RABGAP1L: variants seen among roughly 807,000 people sequenced by gnomAD.
The protein encoded by RABGAP1L is rab GTPase-activating protein 1-like.
A neutral mutation model predicts 137.7 loss-of-function variants in RABGAP1L; 63 were observed. The ratio of observed to expected loss-of-function variants is 0.46; its 90% CI spans 0.37 to 0.56. The LOEUF (loss-of-function observed/expected upper bound fraction) is 0.56. Ranked by LOEUF, RABGAP1L falls within the 20% of genes least tolerant of loss-of-function variation. RABGAP1L has a pLI of 0.00. For missense variants in RABGAP1L, 1,095 were observed against 1,244.0 expected, an observed-to-expected ratio of 0.88 and a Z score of 1.80; for synonymous variants, 431 against 433.7, an observed-to-expected ratio of 0.99 and a Z score of 0.08.
intron 24 of RABGAP1L, among the ~76,000 whole-genome samples, chr1:174,985,714 A>G (rs1357049312): frequency 2.0e-5 from 3 of 152,242 alleles, no homozygotes; most frequent in Non-Finnish European, 4.4e-5. Flanking sequence ...ATATTTGACT[A>G]TCACTCTGTG....
chr1:174,193,926 T>C (rs774890174), intron 1 of RABGAP1L, among the ~76,000 whole-genome samples: 18 of 152,346 alleles, frequency 1.2e-4, no homozygotes, highest in Non-Finnish European at 2.4e-4. Flanking sequence ...TAAGCACTTA[T>C]GGTAACTCAT....
intron 11 of RABGAP1L, among the ~76,000 whole-genome samples, chr1:174,322,217 A>G (rs182730184): frequency 1.3e-5 from 2 of 152,084 alleles, no homozygotes; most frequent in Non-Finnish European, 2.9e-5. Flanking sequence ...TAGATTTTAC[A>G]TATAGGTCTG....
chr1:174,171,932 C>T (rs558543927), intron 1 of RABGAP1L, among the ~76,000 whole-genome samples: 4 of 152,084 alleles, frequency 2.6e-5, no homozygotes, highest in South Asian at 2.1e-4. Flanking sequence ...ACCCGGGAGG[C>T]GGAGGTTGCA....
intron 13 of RABGAP1L, 96 bp from the exon 14 acceptor site, chr1:174,637,279 C>G: frequency 1.2e-6 from 1 of 809,334 alleles, no homozygotes; most frequent in Non-Finnish European, 2.0e-6. Flanking sequence ...CTGTTGTTTA[C>G]TTTTCTTGCT....
At chr1:174,321,109 T>C (rs1296555192) in intron 11 of RABGAP1L, among the ~76,000 whole-genome samples, 1 of 152,140 alleles carries the variant, frequency 6.6e-6, no homozygotes, top group Non-Finnish European at 1.5e-5. Context: ...TGGTTGTTGA[T>C]AAGGGATAAA....
chr1:174,698,917 C>T (rs1411676287), intron 15 of RABGAP1L, among the ~76,000 whole-genome samples: 1 of 151,548 alleles, frequency 6.6e-6, no homozygotes, highest in Non-Finnish European at 1.5e-5. Flanking sequence ...GTGTAGGTAC[C>T]GGGGATTAGT....
intron 13 of RABGAP1L, among the ~76,000 whole-genome samples, chr1:174,493,110 C>T (rs770700647): frequency 2.0e-5 from 3 of 149,958 alleles, no homozygotes; most frequent in Middle Eastern, 3.4e-3. Context: ...CCTGTAATCT[C>T]GCACTTTGGA....
At chr1:174,403,913 T>G (rs1648947660) in intron 13 of RABGAP1L, among the ~76,000 whole-genome samples, 1 of 152,092 alleles carries the variant, frequency 6.6e-6, no homozygotes, top group Non-Finnish European at 1.5e-5. Context: ...AACTATATAG[T>G]AAAGTCAAAT....
At chr1:174,223,264 TAAAAAAAAAAAAAA>T (rs550034492) in intron 3 of RABGAP1L, among the ~76,000 whole-genome samples, 2 of 39,850 alleles carry the variant, frequency 5.0e-5, no homozygotes, top group African/African-American at 1.2e-4. Context: ...AGACTCTGTC[TAAAAAAAAAAAAAA>T]AAAAAAAAAA....
intron 13 of RABGAP1L, among the ~76,000 whole-genome samples, chr1:174,551,007 T>TAC (rs1365091825): frequency 4.8e-5 from 6 of 124,358 alleles, no homozygotes; most frequent in African/African-American, 1.8e-4. Context: ...CACATATATA[T>TAC]ATATATATAT....
chr1:174,492,605 C>T (rs961726999), intron 13 of RABGAP1L, among the ~76,000 whole-genome samples: 2 of 152,122 alleles, frequency 1.3e-5, no homozygotes, highest in Non-Finnish European at 2.9e-5. Context: ...CTGCCTCAGC[C>T]TCCCAAAGTG....
At chr1:174,899,701 T>C (rs1657829154) in intron 19 of RABGAP1L, among the ~76,000 whole-genome samples, 2 of 152,220 alleles carry the variant, frequency 1.3e-5, no homozygotes. Flanking sequence ...TTTTAGTCAG[T>C]ATTTTGGAGA....
At chr1:174,216,309 T>A (rs1265393692) in intron 1 of RABGAP1L, among the ~76,000 whole-genome samples, 1 of 152,168 alleles carries the variant, frequency 6.6e-6, no homozygotes, top group Non-Finnish European at 1.5e-5. Context: ...ATTGAATTGC[T>A]TCTAACACAA....
At chr1:174,426,804 A>G (rs1189430032) in intron 13 of RABGAP1L, among the ~76,000 whole-genome samples, 2 of 152,130 alleles carry the variant, frequency 1.3e-5, no homozygotes, top group African/African-American at 4.8e-5. Context: ...AAAAAATTAT[A>G]TTTATTCTAA....
chr1:174,646,483 C>T (rs538961140), intron 14 of RABGAP1L, among the ~76,000 whole-genome samples: 1 of 152,244 alleles, frequency 6.6e-6, no homozygotes, highest in Admixed American at 6.5e-5. Flanking sequence ...TTCCCCATTG[C>T]TAGTTTTTGT....
In RABGAP1L at chr1:174,547,405, C is replaced by G. The variant is rs186042434; in HGVS notation, c.1711-89970C>G. Among the ~76,000 whole-genome samples, 41 of 152,176 alleles carry G rather than the reference C, an allele frequency of 2.7e-4. No homozygotes were observed. The East Asian group carries it at 7.9e-3, about 29-fold the overall frequency. On this transcript the variant is annotated intron_variant, in intron 13 of 25. Transcript: ENST00000681986. ...GCCGAGGCAGGAGGATCACTTGAGC[C>G]TACGAGTTTGAGACCAGCCTAGGCA...
chr1:174,958,206 A>G (rs1668781478), intron 20 of RABGAP1L: 2 of 1,341,826 alleles, frequency 1.5e-6, no homozygotes, highest in Non-Finnish European at 2.0e-6. Context: ...GTTTGTTGCA[A>G]CATTTATTTC....
At chr1:174,500,499 G>T (rs1317182363) in intron 13 of RABGAP1L, among the ~76,000 whole-genome samples, 1 of 152,112 alleles carries the variant, frequency 6.6e-6, no homozygotes, top group Non-Finnish European at 1.5e-5. Flanking sequence ...ACCCTGTTAT[G>T]CACTGGGTAC....
At chr1:174,915,657 A>G (rs1217300159) in intron 19 of RABGAP1L, among the ~76,000 whole-genome samples, 1 of 152,172 alleles carries the variant, frequency 6.6e-6, no homozygotes, top group East Asian at 1.9e-4. Context: ...GGGTTTCACC[A>G]TGTTGGCCAG....
Sources: gnomAD v4.1 joint callset for allele counts (sites outside exome capture counted in the v4.1 genomes callset) on GRCh38, gnomAD v4.1.1 for gene constraint, MANE v1.5 for transcripts, NCBI Gene and HGNC (gene_info 2026-07-23, HGNC 2026-07-21) for gene names.